Variants in DOCK2 observed in about 807,000 individuals in gnomAD.
The protein encoded by DOCK2 is dedicator of cytokinesis 2.
A neutral mutation model predicts 248.9 loss-of-function variants in DOCK2; 87 were observed. The observed-to-expected ratio is 0.35, with a 90% CI of 0.29 to 0.42. DOCK2 has a LOEUF of 0.42. DOCK2 is among the 10% of genes least tolerant of loss of function. DOCK2 has a pLI of 1.00. For synonymous variants in DOCK2, 805 were observed against 821.6 expected, an observed-to-expected ratio of 0.98 and a Z score of 0.35; for missense variants, 1,747 against 2,300.2, an observed-to-expected ratio of 0.76 and a Z score of 4.92.
At chr5:169,792,965 G>A (rs965038799) in intron 25 of DOCK2, among the ~76,000 whole-genome samples, 5 of 152,216 alleles carry the variant, frequency 3.3e-5, no homozygotes, top group African/African-American at 1.2e-4. Flanking sequence ...CTGCAGGCAA[G>A]TGCAGTGGGG....
chr5:169,668,928 A>G (rs1286682837), intron 2 of DOCK2, among the ~76,000 whole-genome samples: 2 of 152,184 alleles, frequency 1.3e-5, no homozygotes, highest in Non-Finnish European at 2.9e-5. Context: ...AAGGCAATGG[A>G]CACAAGGGAG....
chr5:169,994,420 A>C (rs1171200231), intron 29 of DOCK2, among the ~76,000 whole-genome samples: 2 of 152,218 alleles, frequency 1.3e-5, no homozygotes, highest in Non-Finnish European at 2.9e-5. Flanking sequence ...TGGGTGCAGC[A>C]GACCCTGCCC....
At chr5:169,997,998 C>T (rs1025055088) in intron 30 of DOCK2, 9 of 456,196 alleles carry the variant, frequency 2.0e-5, no homozygotes, top group East Asian at 6.9e-5. Context: ...TGGAATGTGA[C>T]GAAGGGCTTG....
chr5:169,785,198 G>C (rs1765920648), intron 25 of DOCK2, among the ~76,000 whole-genome samples: 1 of 152,198 alleles, frequency 6.6e-6, no homozygotes, highest in Non-Finnish European at 1.5e-5. Context: ...TCAGTATGGA[G>C]GTAGTTTTGT....
At chr5:169,863,253 G>A (rs1009998350) in intron 27 of DOCK2, among the ~76,000 whole-genome samples, 1 of 152,122 alleles carries the variant, frequency 6.6e-6, no homozygotes, top group African/African-American at 2.4e-5. Context: ...GGTGACCATT[G>A]TCTGGTCACC....
chr5:169,698,250 T>G, intron 10 of DOCK2, 124 bp from the exon 11 acceptor site: 1 of 873,298 alleles, frequency 1.1e-6, no homozygotes, highest in East Asian at 2.8e-5. Context: ...TGCTTGCCAT[T>G]TTAGGCCTTC....
At chr5:169,874,391 C>T (rs924191248) in intron 27 of DOCK2, among the ~76,000 whole-genome samples, 4 of 122,310 alleles carry the variant, frequency 3.3e-5, no homozygotes, top group African/African-American at 6.4e-5. Flanking sequence ...CCAGCCTAGG[C>T]GACAGTGAGA....
chr5:169,731,547 T>G (rs115784977), intron 22 of DOCK2, among the ~76,000 whole-genome samples: 1 of 152,152 alleles, frequency 6.6e-6, no homozygotes, highest in Non-Finnish European at 1.5e-5. Context: ...CTCGGCTATG[T>G]CTTTATCAGC....
intron 27 of DOCK2, among the ~76,000 whole-genome samples, chr5:169,981,028 G>A (rs965884791): frequency 3.3e-5 from 5 of 152,132 alleles, no homozygotes; most frequent in African/African-American, 9.7e-5. Flanking sequence ...TGTAAGCTTC[G>A]TAGTCATGAC....
At chr5:170,003,213 C>T (rs1754901858) in intron 30 of DOCK2, among the ~76,000 whole-genome samples, 2 of 152,170 alleles carry the variant, frequency 1.3e-5, no homozygotes, top group East Asian at 1.9e-4. Flanking sequence ...ATTATTGATC[C>T]AGTAATTACA....
intron 33 of DOCK2, among the ~76,000 whole-genome samples, chr5:170,022,668 C>T (rs1755770800): frequency 1.3e-5 from 2 of 152,124 alleles, no homozygotes; most frequent in African/African-American, 2.4e-5. Flanking sequence ...CAGAATGAAA[C>T]GTATCCTATC....
chr5:169,965,280 G>A (rs1427061540), intron 27 of DOCK2, among the ~76,000 whole-genome samples: 3 of 152,182 alleles, frequency 2.0e-5, no homozygotes, highest in Admixed American at 6.5e-5. Flanking sequence ...CTTCAGCTGC[G>A]GGCTGGGGCT....
chr5:169,905,123 A>G (rs1774203840), intron 27 of DOCK2, among the ~76,000 whole-genome samples: 1 of 152,172 alleles, frequency 6.6e-6, no homozygotes, highest in Admixed American at 6.5e-5. Flanking sequence ...TATTTTCTAC[A>G]GTGGGTTTAG....
intron 27 of DOCK2, chr5:169,883,915 G>T: frequency 6.8e-7 from 1 of 1,478,762 alleles, no homozygotes. Flanking sequence ...TCAGTGGGAA[G>T]GATCAGGACC....
At chr5:169,780,405 G>A (rs1345270823) in intron 25 of DOCK2, among the ~76,000 whole-genome samples, 1 of 151,942 alleles carries the variant, frequency 6.6e-6, no homozygotes, top group Admixed American at 6.6e-5. Context: ...CTCATGGTGT[G>A]TTAAAAGAAT....
chr5:169,815,160 A>C (rs569519597), intron 26 of DOCK2, among the ~76,000 whole-genome samples: 22 of 152,230 alleles, frequency 1.4e-4, no homozygotes, highest in African/African-American at 5.3e-4. Flanking sequence ...ATAGGACTTG[A>C]GTGTCACCTG....
At chr5:169,888,555 T>C (rs896646842) in intron 27 of DOCK2, among the ~76,000 whole-genome samples, 3 of 152,194 alleles carry the variant, frequency 2.0e-5, no homozygotes, top group African/African-American at 7.2e-5. Flanking sequence ...TCTCTGTAGG[T>C]TGCAAACTGT....
chr5:169,967,774 GC>G, intron 27 of DOCK2, among the ~76,000 whole-genome samples: 1 of 152,284 alleles, frequency 6.6e-6, no homozygotes. Context: ...GTCAATCAGT[GC>G]AGTAAGAGTG....
chr5:169,756,480 G>A (rs1172471756), intron 23 of DOCK2, among the ~76,000 whole-genome samples: 2 of 152,160 alleles, frequency 1.3e-5, no homozygotes, highest in South Asian at 2.1e-4. Context: ...AATGAGATGG[G>A]AAGAAACTCA....
Sources: gnomAD v4.1 joint callset for allele counts (sites outside exome capture counted in the v4.1 genomes callset) on GRCh38, gnomAD v4.1.1 for gene constraint, MANE v1.5 for transcripts, NCBI Gene and HGNC (gene_info 2026-07-23, HGNC 2026-07-21) for gene names.